OLFM3: variants seen among roughly 807,000 people sequenced by gnomAD.
OLFM3 encodes the protein olfactomedin 3, also known as noelin-3.
OLFM3 carries 20 observed loss-of-function variants against 48.6 expected under a neutral mutation model. The ratio of observed to expected loss-of-function variants is 0.41; its 90% confidence interval spans 0.29 to 0.60. OLFM3 has a LOEUF of 0.60. OLFM3 is among the 20% of genes least tolerant of loss of function. The pLI is 0.28. For missense variants in OLFM3, 437 were observed against 544.3 expected, an observed-to-expected ratio of 0.80 and a Z score of 1.96; for synonymous variants, 222 against 198.1, an observed-to-expected ratio of 1.12 and a Z score of -1.01.
At chr1:101,822,027 T>C (rs1319377970) in intron 4 of OLFM3, among the ~76,000 whole-genome samples, 1 of 152,122 alleles carries the variant, frequency 6.6e-6, no homozygotes, top group African/African-American at 2.4e-5. Context: ...ATAAGGATGC[T>C]ATAGAAATAT....
chr1:101,950,976 C>CA (rs1416975703), intron 1 of OLFM3, among the ~76,000 whole-genome samples: 7 of 151,978 alleles, frequency 4.6e-5, no homozygotes, highest in Non-Finnish European at 7.4e-5. Context: ...ATTTGCCTAG[C>CA]AAAAAAAGAA....
chr1:101,957,230 G>A (rs1242025165), intron 1 of OLFM3, among the ~76,000 whole-genome samples: 1 of 152,002 alleles, frequency 6.6e-6, no homozygotes, highest in Non-Finnish European at 1.5e-5. Flanking sequence ...GACTTTTGGA[G>A]TCAGTCTCAT....
At chr1:101,982,476 T>A (rs1264119585) in intron 1 of OLFM3, among the ~76,000 whole-genome samples, 2 of 152,158 alleles carry the variant, frequency 1.3e-5, no homozygotes, top group Non-Finnish European at 2.9e-5. Context: ...CTGTGATGGT[T>A]AATTTTATGT....
At chr1:101,968,225 C>A (rs1383760599) in intron 1 of OLFM3, among the ~76,000 whole-genome samples, 2 of 152,146 alleles carry the variant, frequency 1.3e-5, no homozygotes, top group East Asian at 3.9e-4. Context: ...AGCTTCTCTA[C>A]CTACATGATG....
chr1:101,827,445 G>A (rs892158874), intron 3 of OLFM3, among the ~76,000 whole-genome samples: 5 of 151,862 alleles, frequency 3.3e-5, no homozygotes, highest in Admixed American at 1.3e-4. Flanking sequence ...TCAGCCTCTC[G>A]AGTGGCTGGG....
chr1:101,911,684 T>C (rs750479303), intron 1 of OLFM3, among the ~76,000 whole-genome samples: 4 of 152,064 alleles, frequency 2.6e-5, no homozygotes, highest in Non-Finnish European at 5.9e-5. Context: ...GGCTAATACA[T>C]GCACAACAAA....
chr1:101,895,447 A>T (rs1170544437), intron 1 of OLFM3, among the ~76,000 whole-genome samples: 18 of 149,812 alleles, frequency 1.2e-4, no homozygotes, highest in Non-Finnish European at 1.5e-5. Context: ...ACACACACAC[A>T]CTCACTCACA....
intron 1 of OLFM3, among the ~76,000 whole-genome samples, chr1:101,933,395 C>T (rs888235358): frequency 6.6e-6 from 1 of 151,618 alleles, no homozygotes; most frequent in African/African-American, 2.4e-5. Context: ...TAAAATAACT[C>T]AGTTAGACAA....
chr1:101,955,914 T>C (rs1660274331), intron 1 of OLFM3, among the ~76,000 whole-genome samples: 1 of 151,806 alleles, frequency 6.6e-6, no homozygotes, highest in Non-Finnish European at 1.5e-5. Context: ...ACTCCTATTC[T>C]TGTATTCTTT....
intron 1 of OLFM3, among the ~76,000 whole-genome samples, chr1:101,889,921 T>TA (rs1390808037): frequency 3.3e-5 from 5 of 152,096 alleles, no homozygotes; most frequent in South Asian, 2.1e-4. Flanking sequence ...AAGGAAATGA[T>TA]AAAAAAGTCA....
intron 1 of OLFM3, among the ~76,000 whole-genome samples, chr1:101,853,292 T>G (rs1228288234): frequency 6.6e-6 from 1 of 152,014 alleles, no homozygotes; most frequent in Non-Finnish European, 1.5e-5. Flanking sequence ...CCTTCTCTTG[T>G]GGAAATTACA....
chr1:101,867,450 CA>C (rs1277802916), intron 1 of OLFM3, among the ~76,000 whole-genome samples: 3 of 152,276 alleles, frequency 2.0e-5, no homozygotes, highest in Admixed American at 2.0e-4. Flanking sequence ...GTCAGCCACA[CA>C]ATGTTTATAA....
At chr1:101,984,217 C>G (rs1415120199) in intron 1 of OLFM3, among the ~76,000 whole-genome samples, 1 of 77,834 alleles carries the variant, frequency 1.3e-5, no homozygotes, top group African/African-American at 5.3e-5. Flanking sequence ...CTAGCCTGGG[C>G]AACAAAAGGA....
At chr1:101,912,964 C>T (rs12130645) in intron 1 of OLFM3, among the ~76,000 whole-genome samples, 27,615 of 152,060 alleles carry the variant, frequency 0.18, 3,191 homozygotes, top group Non-Finnish European at 0.27. Flanking sequence ...TCAAATTTCA[C>T]TTTTATTTAT....
At chr1:101,846,490 TA>T (rs1351724659) in intron 1 of OLFM3, among the ~76,000 whole-genome samples, 2 of 151,998 alleles carry the variant, frequency 1.3e-5, no homozygotes, top group African/African-American at 4.8e-5. Context: ...TGGGAAAAAT[TA>T]TGAAGATTTT....
chr1:101,930,994 C>A (rs1238076296), intron 1 of OLFM3, among the ~76,000 whole-genome samples: 2 of 152,152 alleles, frequency 1.3e-5, no homozygotes, highest in Non-Finnish European at 2.9e-5. Context: ...TTTTGCCTAG[C>A]AATTATTTTT....
At chr1:101,864,039 C>G (rs918904897) in intron 1 of OLFM3, among the ~76,000 whole-genome samples, 5 of 152,184 alleles carry the variant, frequency 3.3e-5, no homozygotes, top group Non-Finnish European at 5.9e-5. Flanking sequence ...TGCCTCTTCT[C>G]TTCTGCTTCA....
chr1:101,943,638 A>G (rs78583187), intron 1 of OLFM3, among the ~76,000 whole-genome samples: 19,826 of 152,222 alleles, frequency 0.13, 1,632 homozygotes, highest in Non-Finnish European at 0.17. Context: ...TTCTAGATGT[A>G]CTGTTATCTA....
chr1:101,811,316 A>T (rs1654038637), intron 4 of OLFM3, among the ~76,000 whole-genome samples: 1 of 151,970 alleles, frequency 6.6e-6, no homozygotes, highest in African/African-American at 2.4e-5. Flanking sequence ...TTAACATTTT[A>T]GATGGCCAAA....
Sources: gnomAD v4.1 joint callset for allele counts (sites outside exome capture counted in the v4.1 genomes callset) on GRCh38, gnomAD v4.1.1 for gene constraint, MANE v1.5 for transcripts, NCBI Gene and HGNC (gene_info 2026-07-23, HGNC 2026-07-21) for gene names.